Variants in MAMDC2 observed in about 807,000 individuals in gnomAD.
MAMDC2 encodes MAM domain-containing protein 2.
Under a neutral mutation model 89.8 loss-of-function variants are expected in MAMDC2, and 57 were observed. The ratio of observed to expected loss-of-function variants is 0.63; its 90% CI spans 0.51 to 0.79. The LOEUF (loss-of-function observed/expected upper bound fraction) is 0.79, where lower values mean the gene tolerates loss of function less well. Ranked by LOEUF, MAMDC2 falls within the 30% of genes least tolerant of loss-of-function variation. The pLI is 0.00. For synonymous variants in MAMDC2, 313 were observed against 293.4 expected (o/e 1.07, Z -0.68); for missense variants, 800 against 820.6 (o/e 0.97, Z 0.31).
chr9:70,211,668 T>C (rs2033356660), intron 11 of MAMDC2, among the ~76,000 whole-genome samples: 1 of 152,242 alleles, frequency 6.6e-6, no homozygotes, highest in East Asian at 1.9e-4. Context: ...CCGTTACTGA[T>C]GAGGAGCTAC....
intron 11 of MAMDC2, chr9:70,217,257 C>G (rs920306064): frequency 2.0e-6 from 2 of 997,556 alleles, no homozygotes; most frequent in Non-Finnish European, 3.2e-6. Context: ...GGAGGCACTA[C>G]GCCAGGACCG....
At chr9:70,087,967 A>T (rs1463794320) in intron 2 of MAMDC2, among the ~76,000 whole-genome samples, 2 of 152,018 alleles carry the variant, frequency 1.3e-5, no homozygotes, top group Non-Finnish European at 2.9e-5. Context: ...TGATTTTTTT[A>T]AAAGGCATAG....
chr9:70,120,062 T>G (rs2030216081), intron 5 of MAMDC2, among the ~76,000 whole-genome samples: 1 of 152,194 alleles, frequency 6.6e-6, no homozygotes, highest in African/African-American at 2.4e-5. Context: ...ATTACCGCAC[T>G]GGTAGGCAGT....
Position 70,218,460 on chromosome 9 carries a change from G to T in MAMDC2, c.1775G>T (p.Gly592Val), listed in dbSNP as rs370890120. Residue 592 changes from glycine to valine, a missense_variant, in exon 12 of 14, where the codon GGG becomes GTG. By Grantham distance (109) the Gly-to-Val change is moderately radical (BLOSUM62 -3). Coordinates refer to ENST00000377182, the MANE Select transcript of MAMDC2 (RefSeq NM_153267.5). Reference protein sequence around the residue: ...CLTFFYHMYGGGTGLLSVYLK... With the variant: ...CLTFFYHMYGVGTGLLSVYLK... ...ACCTTTTTCTACCACATGTATGGAG[G>T]GGGCACTGGCCTGCTGAGTGTTTAT... 1 of 1,614,166 alleles carries T rather than the reference G, an allele frequency of 6.2e-7. No individual in the cohort carries two copies. The highest frequency in any genetic ancestry group is 8.5e-7 in the Non-Finnish European group (1 of 1,180,038).
chr9:70,209,470 T>G (rs1240916931), intron 11 of MAMDC2, among the ~76,000 whole-genome samples: 2 of 152,102 alleles, frequency 1.3e-5, no homozygotes, highest in Non-Finnish European at 2.9e-5. Flanking sequence ...TAGGATCAGT[T>G]GTGATATTCC....
At chr9:70,050,497 T>A (rs953391930) in intron 2 of MAMDC2, among the ~76,000 whole-genome samples, 2 of 152,204 alleles carry the variant, frequency 1.3e-5, no homozygotes, top group African/African-American at 4.8e-5. Flanking sequence ...ATTTATCCTC[T>A]CTATGTCTCA....
chr9:70,218,278 A>G, intron 11 of MAMDC2, 59 bp from the exon 12 acceptor site: 1 of 1,539,312 alleles, frequency 6.5e-7, no homozygotes, highest in Non-Finnish European at 8.8e-7. Flanking sequence ...AACATTATGA[A>G]AGGAGAAAAT....
chr9:70,125,805 T>C (rs1235685418), intron 5 of MAMDC2, among the ~76,000 whole-genome samples: 1 of 152,186 alleles, frequency 6.6e-6, no homozygotes, highest in Non-Finnish European at 1.5e-5. Context: ...GCTTCTCAGG[T>C]AATGTTCTAT....
chr9:70,057,754 G>A (rs1252675225), intron 2 of MAMDC2, among the ~76,000 whole-genome samples: 1 of 152,104 alleles, frequency 6.6e-6, no homozygotes, highest in Non-Finnish European at 1.5e-5. Context: ...TGCACAAAAG[G>A]CACCGGATTT....
chr9:70,117,647 C>A (rs981288041), intron 5 of MAMDC2, among the ~76,000 whole-genome samples: 1 of 151,662 alleles, frequency 6.6e-6, no homozygotes, highest in African/African-American at 2.4e-5. Flanking sequence ...CAGTCATTAA[C>A]CTCAAAGAGT....
intron 9 of MAMDC2, among the ~76,000 whole-genome samples, chr9:70,150,513 G>C (rs1223848948): frequency 1.3e-5 from 2 of 152,176 alleles, no homozygotes; most frequent in African/African-American, 4.8e-5. Context: ...TCAGAACAAG[G>C]CACAAGCTGG....
intron 11 of MAMDC2, among the ~76,000 whole-genome samples, chr9:70,199,565 C>T (rs1434465601): frequency 1.6e-5 from 2 of 128,996 alleles, no homozygotes; most frequent in Admixed American, 8.6e-5. Flanking sequence ...GGTATATACC[C>T]AGTAATGGGA....
At chr9:70,208,457 T>A (rs2118655413) in intron 11 of MAMDC2, among the ~76,000 whole-genome samples, 2 of 152,328 alleles carry the variant, frequency 1.3e-5, no homozygotes, top group Middle Eastern at 6.8e-3. Context: ...TGTATAGGAA[T>A]GCTTGTGATT....
intron 7 of MAMDC2, among the ~76,000 whole-genome samples, chr9:70,136,723 C>A (rs765509882): frequency 1.6e-4 from 25 of 152,164 alleles, no homozygotes; most frequent in Non-Finnish European, 3.1e-4. Context: ...GCAGTGCCAC[C>A]CCATTTCCTG....
intron 2 of MAMDC2, among the ~76,000 whole-genome samples, chr9:70,068,141 T>C (rs780852725): frequency 3.3e-5 from 5 of 152,170 alleles, no homozygotes; most frequent in Non-Finnish European, 7.4e-5. Context: ...AGCTTGATGG[T>C]TTTGACATCT....
At chr9:70,173,131 C>T (rs1276464309) in intron 11 of MAMDC2, among the ~76,000 whole-genome samples, 1 of 152,006 alleles carries the variant, frequency 6.6e-6, no homozygotes, top group Non-Finnish European at 1.5e-5. Flanking sequence ...TGGGTGGGCT[C>T]CAATCTAGAC....
intron 11 of MAMDC2, among the ~76,000 whole-genome samples, chr9:70,198,007 A>G (rs1485299914): frequency 6.6e-6 from 1 of 152,116 alleles, no homozygotes; most frequent in Non-Finnish European, 1.5e-5. Flanking sequence ...TTGGAGAGAG[A>G]GAAAAGACCA....
At chr9:70,050,439 T>C (rs1563931515) in intron 2 of MAMDC2, among the ~76,000 whole-genome samples, 1 of 152,180 alleles carries the variant, frequency 6.6e-6, no homozygotes, top group Non-Finnish European at 1.5e-5. Context: ...GTGACTTGGA[T>C]TAGAATCCAG....
intron 11 of MAMDC2, among the ~76,000 whole-genome samples, chr9:70,207,628 T>C (rs932632256): frequency 2.0e-5 from 3 of 152,328 alleles, no homozygotes; most frequent in East Asian, 1.9e-4. Flanking sequence ...AGAAGCTCTT[T>C]AGTTTAATTA....
Sources: allele counts gnomAD v4.1 joint callset (sites outside exome capture counted in the v4.1 genomes callset), GRCh38; gene constraint gnomAD v4.1.1; transcripts MANE v1.5; gene names NCBI Gene and HGNC (gene_info 2026-07-23, HGNC 2026-07-21).